RBFOX2: variants seen among roughly 807,000 people sequenced by gnomAD.
The protein encoded by RBFOX2 is RNA binding protein fox-1 homolog 2.
A neutral mutation model predicts 49.1 loss-of-function variants in RBFOX2; 10 were observed. That is an observed-to-expected ratio of 0.20 (90% CI 0.13 to 0.35). RBFOX2 has a LOEUF of 0.35. Ranked by LOEUF, RBFOX2 falls within the 10% of genes least tolerant of loss-of-function variation. The pLI, the probability that RBFOX2 is intolerant of heterozygous loss-of-function variation, is 1.00. For missense variants in RBFOX2, 323 were observed against 486.9 expected (o/e 0.66, Z 3.17); for synonymous variants, 183 against 187.4 (o/e 0.98, Z 0.19).
chr22:35,879,471 G>C (rs2045588490), intron 1 of RBFOX2, among the ~76,000 whole-genome samples: 1 of 152,172 alleles, frequency 6.6e-6, no homozygotes, highest in Non-Finnish European at 1.5e-5. Context: ...TCAGGGACTT[G>C]AGCATCTGCG....
chr22:35,903,847 C>T (rs1198490386), intron 1 of RBFOX2, among the ~76,000 whole-genome samples: 1 of 152,118 alleles, frequency 6.6e-6, no homozygotes, highest in Non-Finnish European at 1.5e-5. Flanking sequence ...TCCATTGTTG[C>T]TCCCTTCCAA....
At chr22:35,772,092 T>C (rs569908960) in intron 4 of RBFOX2, among the ~76,000 whole-genome samples, 138 of 152,322 alleles carry the variant, frequency 9.1e-4, no homozygotes, top group African/African-American at 3.2e-3. Flanking sequence ...AAATAGATTA[T>C]ATAATCTGTA....
chr22:35,781,544 G>A, intron 3 of RBFOX2, 56 bp downstream of exon 4: 1 of 1,571,722 alleles, frequency 6.4e-7, no homozygotes, highest in Non-Finnish European at 8.7e-7. Flanking sequence ...TAACACATCT[G>A]GGGGATTAAA....
At chr22:35,983,372 AAGTAAGACAGGAAAGGGATAT>A (rs1422728946) in intron 1 of RBFOX2, among the ~76,000 whole-genome samples, 1 of 152,158 alleles carries the variant, frequency 6.6e-6, no homozygotes, top group African/African-American at 2.4e-5. Flanking sequence ...CCTGATAGAA[AAGTAAGACAGGAAAGGGATAT>A]AGTAAGTTTC....
exon 12 of RBFOX2, chr22:35,743,666 G>A (rs549668936): frequency 2.0e-5 from 3 of 152,744 alleles, no homozygotes; most frequent in African/African-American, 7.2e-5. Flanking sequence ...CTATCAGCAT[G>A]TGGATTCCAG....
chr22:35,974,372 T>C (rs2057035699), intron 1 of RBFOX2, among the ~76,000 whole-genome samples: 1 of 152,176 alleles, frequency 6.6e-6, no homozygotes, highest in Non-Finnish European at 1.5e-5. Flanking sequence ...AACACCAGAA[T>C]TGCCACTGGG....
intron 1 of RBFOX2, among the ~76,000 whole-genome samples, chr22:35,956,510 T>C (rs868543218): frequency 2.6e-5 from 4 of 151,952 alleles, no homozygotes; most frequent in Non-Finnish European, 4.4e-5. Context: ...TACAGGCACA[T>C]GCCAGCACAC....
chr22:35,971,231 A>G (rs1365078131), intron 1 of RBFOX2, among the ~76,000 whole-genome samples: 1 of 152,142 alleles, frequency 6.6e-6, no homozygotes, highest in Non-Finnish European at 1.5e-5. Context: ...ACTTCCTTTA[A>G]GTTTAAAGTC....
intron 2 of RBFOX2, among the ~76,000 whole-genome samples, chr22:35,789,507 C>T (rs1569115772): frequency 6.6e-6 from 1 of 152,128 alleles, no homozygotes; most frequent in Non-Finnish European, 1.5e-5. Flanking sequence ...CGCACCATTG[C>T]ACTCTAGCCT....
intron 8 of RBFOX2, 109 bp from the exon 10 acceptor site, chr22:35,760,129 C>T (rs1015722308): frequency 6.9e-7 from 1 of 1,440,420 alleles, no homozygotes; most frequent in Non-Finnish European, 9.6e-7. Context: ...AGATACGAAC[C>T]ACACCTTTTT....
intron 1 of RBFOX2, among the ~76,000 whole-genome samples, chr22:35,869,496 A>G (rs1460603309): frequency 1.3e-5 from 2 of 149,160 alleles, no homozygotes; most frequent in Non-Finnish European, 3.0e-5. Context: ...AAAAAAAAAA[A>G]AAAAAAAAAT....
chr22:35,929,066 C>T (rs2052037326), intron 1 of RBFOX2, among the ~76,000 whole-genome samples: 1 of 152,102 alleles, frequency 6.6e-6, no homozygotes, highest in Non-Finnish European at 1.5e-5. Flanking sequence ...CTAAATTGAA[C>T]TATGATTGCA....
chr22:35,879,680 T>C (rs555620003), intron 1 of RBFOX2, among the ~76,000 whole-genome samples: 46 of 152,356 alleles, frequency 3.0e-4, no homozygotes, highest in Middle Eastern at 3.4e-3. Flanking sequence ...TAGCTTTTCT[T>C]CTGAGCGAAA....
chr22:35,919,850 T>C (rs1374472068), intron 1 of RBFOX2, among the ~76,000 whole-genome samples: 1 of 152,208 alleles, frequency 6.6e-6, no homozygotes, highest in African/African-American at 2.4e-5. Flanking sequence ...GCTATTCCCA[T>C]CCTCTGCTCA....
intron 1 of RBFOX2, among the ~76,000 whole-genome samples, chr22:35,834,441 T>C (rs1423846269): frequency 6.6e-6 from 1 of 152,208 alleles, no homozygotes; most frequent in East Asian, 1.9e-4. Context: ...GATCCTGATC[T>C]CAGGGAGCTT....
chr22:35,805,289 CAAAAAAAAAA>C (rs748086413), intron 2 of RBFOX2, among the ~76,000 whole-genome samples: 1 of 37,916 alleles, frequency 2.6e-5, no homozygotes, highest in African/African-American at 9.3e-5. Context: ...GACTCCGTCT[CAAAAAAAAAA>C]AAAAAAAAAA....
At chr22:35,805,115 G>A (rs921326121) in intron 2 of RBFOX2, among the ~76,000 whole-genome samples, 7 of 151,554 alleles carry the variant, frequency 4.6e-5, no homozygotes, top group African/African-American at 1.2e-4. Flanking sequence ...GTGAAACCCC[G>A]TCTCTACTAA....
At chr22:35,838,856 T>C (rs1460791474) in intron 1 of RBFOX2, among the ~76,000 whole-genome samples, 2 of 152,202 alleles carry the variant, frequency 1.3e-5, no homozygotes, top group African/African-American at 2.4e-5. Context: ...TGAAAAGATA[T>C]ATTTGAAACT....
intron 2 of RBFOX2, among the ~76,000 whole-genome samples, chr22:35,804,749 A>T (rs955609475): frequency 2.0e-5 from 3 of 152,204 alleles, no homozygotes; most frequent in Admixed American, 1.3e-4. Flanking sequence ...CTAAAAAAAA[A>T]TACTAAAAGA....
Sources: gnomAD v4.1 joint callset for allele counts (sites outside exome capture counted in the v4.1 genomes callset) on GRCh38, gnomAD v4.1.1 for gene constraint, MANE v1.5 for transcripts, NCBI Gene and HGNC (gene_info 2026-07-23, HGNC 2026-07-21) for gene names.